The following BAZ1A variants were observed in gnomAD, a reference collection of about 807,000 sequenced individuals.
BAZ1A encodes bromodomain adjacent to zinc finger domain 1A, also known as bromodomain adjacent to zinc finger domain protein 1A.
In BAZ1A, 50 loss-of-function variants were observed where a neutral mutation model predicts 185.2. The observed-to-expected ratio is 0.27, with a 90% CI of 0.22 to 0.34. The LOEUF is 0.34. Ranked by LOEUF, BAZ1A falls within the 10% of genes least tolerant of loss-of-function variation. The probability of loss-of-function intolerance (pLI) is 1.00; values close to 1 mark genes in which losing one functional copy is unlikely to be tolerated. For synonymous variants in BAZ1A, 571 were observed against 615.6 expected, an observed-to-expected ratio of 0.93 and a Z score of 1.07; for missense variants, 1,356 against 1,839.9, an observed-to-expected ratio of 0.74 and a Z score of 4.81.
intron 24 of BAZ1A, among the ~76,000 whole-genome samples, chr14:34,759,821 C>A (rs781032069): frequency 4.5e-4 from 69 of 151,980 alleles, no homozygotes; most frequent in Non-Finnish European, 8.8e-4. Context: ...ATTAAAGGTG[C>A]CTGCTACCAC....
At chr14:34,812,198 A>G (rs1261051171) in intron 4 of BAZ1A, among the ~76,000 whole-genome samples, 1 of 151,702 alleles carries the variant, frequency 6.6e-6, no homozygotes, top group Admixed American at 6.6e-5. Flanking sequence ...GTATGCCTTC[A>G]AAGAGGTTGA....
intron 3 of BAZ1A, among the ~76,000 whole-genome samples, 185 bp from the exon 4 acceptor site, chr14:34,826,341 C>T (rs541917696): frequency 6.6e-6 from 1 of 152,216 alleles, no homozygotes; most frequent in Admixed American, 6.5e-5. Flanking sequence ...TAATTTAAAG[C>T]TGTAAAACTA....
intron 2 of BAZ1A, among the ~76,000 whole-genome samples, chr14:34,864,747 G>C (rs1398560778): frequency 2.0e-5 from 3 of 151,020 alleles, no homozygotes; most frequent in Non-Finnish European, 4.4e-5. Flanking sequence ...TGGGATTATA[G>C]GCGTGAGCCA....
At chr14:34,809,861 G>A (rs2041905206) in intron 5 of BAZ1A, among the ~76,000 whole-genome samples, 1 of 152,116 alleles carries the variant, frequency 6.6e-6, no homozygotes. Context: ...GAAAATATCT[G>A]TAGTCTCAAC....
In BAZ1A at chr14:34,874,882, G is replaced by A; in HGVS notation, c.-58-220C>T. 3.6e-6 allele frequency: 1 copy of A among 278,824 alleles called. No homozygotes were observed. The highest frequency in any genetic ancestry group is 6.7e-6 in the Non-Finnish European group (1 of 148,856). 17.3% of individuals were successfully genotyped at this position (278,824 alleles called of 1,614,324 possible). ...AGCGCGCCCTACCTCCTCTCGTCCTGCCGCCGCCTCACAATGGGGCAGGAC... is the reference window on the plus strand; with the variant it reads ...AGCGCGCCCTACCTCCTCTCGTCCTACCGCCGCCTCACAATGGGGCAGGAC... On this transcript the variant is annotated intron_variant, in intron 1 of 26. Transcript: ENST00000360310. This position sits in a 1 kb window ranked among gnomAD's most constrained non-coding sequence, Gnocchi z 4.7.
At chr14:34,808,113 A>G (rs2041875587) in intron 5 of BAZ1A, among the ~76,000 whole-genome samples, 1 of 151,930 alleles carries the variant, frequency 6.6e-6, no homozygotes. Context: ...AAGAAAATAA[A>G]CTTTAAGGAA....
intron 2 of BAZ1A, among the ~76,000 whole-genome samples, chr14:34,869,890 T>G (rs1460552178): frequency 6.6e-6 from 1 of 152,164 alleles, no homozygotes; most frequent in African/African-American, 2.4e-5. Flanking sequence ...AAGACCACCA[T>G]GTGAAACAGC....
intron 3 of BAZ1A, among the ~76,000 whole-genome samples, chr14:34,832,215 C>CACACACATATATATATATATATATATAT: frequency 2.6e-4 from 23 of 89,672 alleles, no homozygotes; most frequent in Middle Eastern, 5.7e-3. Context: ...CACACACACA[C>CACACACATATATATATATATATATATAT]ATATATATAT....
intron 26 of BAZ1A, among the ~76,000 whole-genome samples, chr14:34,754,392 C>CT (rs1302928476): frequency 7.1e-6 from 1 of 139,930 alleles, no homozygotes; most frequent in Non-Finnish European, 1.5e-5. Context: ...GCACTCCAGC[C>CT]TGGGCAACAG....
intron 2 of BAZ1A, among the ~76,000 whole-genome samples, chr14:34,869,405 G>C (rs2042917412): frequency 6.6e-6 from 1 of 152,150 alleles, no homozygotes; most frequent in Non-Finnish European, 1.5e-5. Flanking sequence ...AAGAGAGAAA[G>C]TTAGACATTT....
At chr14:34,843,419 A>C (rs1005233706) in intron 3 of BAZ1A, among the ~76,000 whole-genome samples, 1 of 152,106 alleles carries the variant, frequency 6.6e-6, no homozygotes, top group Non-Finnish European at 1.5e-5. Context: ...CTTGTGAACA[A>C]GTTAGGGCTA....
chr14:34,792,212 C>T (rs1880892059), intron 12 of BAZ1A, among the ~76,000 whole-genome samples: 2 of 152,042 alleles, frequency 1.3e-5, no homozygotes, highest in African/African-American at 4.8e-5. Context: ...AGTGAAACCC[C>T]GTCTCTATTT....
In BAZ1A at chr14:34,784,061, C is replaced by T. The variant is rs2138609425; in HGVS notation, c.1832-134G>A. On this transcript the variant is annotated intron_variant, in intron 14 of 26. Transcript: ENST00000360310. ...AGTAGTCTCTCAAACATGTCAATGA[C>T]ATGTCTTCAGGAAAAAGCAATTATG... 4.9e-6 allele frequency: 4 copies of T among 810,102 alleles called. No homozygotes were observed. In the Admixed American group the frequency reaches 1.0e-4, roughly 21 times the overall value. The allele number at this position is 810,102 out of a possible 1,614,324, so 50.2% of individuals were successfully genotyped here. A position where few individuals can be genotyped will look rare whatever the true frequency, so the allele number is the denominator to read the frequency against.
intron 2 of BAZ1A, among the ~76,000 whole-genome samples, chr14:34,866,204 T>C (rs2042856738): frequency 6.6e-6 from 1 of 151,426 alleles, no homozygotes; most frequent in South Asian, 2.1e-4. Context: ...AAGTTCTAGT[T>C]CAGGCACGGT....
Position 34,862,137 on chromosome 14 carries a change from C to T in BAZ1A, c.299G>A (p.Arg100His), listed in dbSNP as rs781435364. ...LYLTSLTHRSRLHEICDDIFA... is the reference protein window; with the variant it reads ...LYLTSLTHRSHLHEICDDIFA... ...GATATCATCACAAATTTCATGTAAG[C>T]GCGAACGATGGGTAAGGCTGGTCAA... The change falls in exon 3 of 27, where the codon CGC becomes CAC. Residue 100 changes from arginine to histidine, a missense_variant. Transcript: ENST00000360310. 1.1e-5 allele frequency: 18 copies of T among 1,614,116 alleles called. No homozygotes were observed. In the East Asian group the frequency reaches 2.0e-4, roughly 18 times the overall value.
rs189867292 is a variant in BAZ1A at position 34,855,140 on chromosome 14, T to C, written c.392+6904A>G. ...TAAGTTTAGCCTAATGCTGCTTCCT[T>C]ATATATTTTAAGTTCAGCCTAAAGG... is the stretch of plus-strand genomic sequence containing the variant. On this transcript the variant is annotated intron_variant, in intron 3 of 26. Transcript: ENST00000360310. Among the ~76,000 whole-genome samples the C allele has an allele frequency of 5.3e-4, 80 of 152,254 alleles. 1 individual carries two copies. The highest frequency in any genetic ancestry group is 8.4e-4 in the Non-Finnish European group (57 of 68,018).
chr14:34,762,454 G>T (rs1276645159), intron 23 of BAZ1A, among the ~76,000 whole-genome samples: 2 of 151,764 alleles, frequency 1.3e-5, no homozygotes, highest in Non-Finnish European at 2.9e-5. Context: ...TCTGCAAAGA[G>T]AATATTTTAT....
chr14:34,771,340 TTATTC>T, intron 21 of BAZ1A, 166 bp downstream of exon 21: 2 of 687,276 alleles, frequency 2.9e-6, no homozygotes, highest in South Asian at 2.1e-5. Flanking sequence ...AAAGACTGTA[TTATTC>T]TAAAAATAAA....
chr14:34,775,316 G>A (rs1879524000), intron 18 of BAZ1A, among the ~76,000 whole-genome samples: 1 of 152,082 alleles, frequency 6.6e-6, no homozygotes. Context: ...TTAAAATTTT[G>A]ATTTAATTTA....
Sources: allele counts gnomAD v4.1 joint callset (sites outside exome capture counted in the v4.1 genomes callset), GRCh38; gene constraint gnomAD v4.1.1; non-coding constraint Gnocchi (gnomAD v3.1); transcripts MANE v1.5; gene names NCBI Gene and HGNC (gene_info 2026-07-23, HGNC 2026-07-21).